Variants in CKAP5 observed in about 807,000 individuals in gnomAD.
The protein encoded by CKAP5 is cytoskeleton associated protein 5, also known as cytoskeleton-associated protein 5.
Under a neutral mutation model 232.8 loss-of-function variants are expected in CKAP5, and 27 were observed. The observed-to-expected ratio is 0.12, with a 90% confidence interval of 0.09 to 0.16. The LOEUF is 0.16. Among genes scored for constraint, CKAP5 ranks in the 10% least tolerant of loss-of-function variants. The probability of loss-of-function intolerance (pLI) is 1.00; values close to 1 mark genes in which losing one functional copy is unlikely to be tolerated. For synonymous variants in CKAP5, 785 were observed against 841.1 expected (o/e 0.93, Z 1.16); for missense variants, 1,838 against 2,424.7 (o/e 0.76, Z 5.08).
At position 46,744,271 on chromosome 11, in the gene CKAP5, G is replaced by A. The variant is rs1385063474; in HGVS notation, c.5857-6C>T. ...AAAGGAGGTCGGTCATCTTGCTATT[G>A]AGAGAAGGAGAGAGATTGTCTAAGG... On this transcript the variant is annotated splice_polypyrimidine_tract_variant and splice_region_variant and intron_variant, in intron 43 of 43. Transcript: ENST00000529230. 1.2e-6 allele frequency: 2 copies of A among 1,613,890 alleles called. No homozygotes were observed. The highest frequency in any genetic ancestry group is 3.3e-5 in the Admixed American group (2 of 59,982).
chr11:46,763,155 C>T lies in CKAP5; in HGVS notation c.3712G>A (p.Val1238Ile), dbSNP rs148090296. 2 of 1,613,252 alleles carry T rather than the reference C, an allele frequency of 1.2e-6. No individual in the cohort carries two copies. The highest frequency in any genetic ancestry group is 1.7e-6 in the Non-Finnish European group (2 of 1,179,456). The change falls in exon 30 of 44, where the codon GTT becomes ATT. Residue 1238 changes from valine (V) to isoleucine (I), a missense_variant. Val to Ile is a conservative substitution (Grantham distance 29, BLOSUM62 3). This residue lies in a region of CKAP5 where 48 missense variants were observed against 98.1 expected (regional missense o/e 0.49). Coordinates refer to ENST00000529230, the MANE Select transcript of CKAP5 (RefSeq NM_001008938.4). ...VDHLESEKEG[V>I]IGCLDLILKW... is the part of the protein sequence containing the mutation. ...AAGATAAGATCCAGGCAACCAATAA[C>T]TCCTTCTTTTTCACTCTCCAAGTGC...
At chr11:46,795,121 G>A (rs145853061) in intron 13 of CKAP5, among the ~76,000 whole-genome samples, 3,388 of 152,144 alleles carry the variant, frequency 0.022, 121 homozygotes, top group African/African-American at 0.077. Context: ...CTGAGGTCAG[G>A]AGTTCAAGAC....
At chr11:46,803,910 C>G (rs1260790526) in intron 8 of CKAP5, among the ~76,000 whole-genome samples, 1 of 152,090 alleles carries the variant, frequency 6.6e-6, no homozygotes, top group African/African-American at 2.4e-5. Context: ...AGATGCTAGG[C>G]TTTATATTTA....
intron 1 of CKAP5, among the ~76,000 whole-genome samples, chr11:46,844,661 A>C (rs1437584608): frequency 1.3e-5 from 2 of 152,036 alleles, no homozygotes; most frequent in Admixed American, 6.5e-5. Flanking sequence ...CTTTTTTTTG[A>C]GACAGAGGGT....
rs1174739786 is a variant in CKAP5, at chr11:46,808,139, T to C, written c.870A>G (p.Ala290=). The C allele has an allele frequency of 6.2e-7, 1 of 1,610,570 alleles. No homozygotes were observed. The highest frequency in any genetic ancestry group is 2.2e-5 in the East Asian group (1 of 44,830). The part of the protein sequence containing the change: ...LPKDFYDKIE[A]KKWQERKEAL... ...CCTCTTTTCTCTCTTGCCATTTTTT[T>C]GCCTCCTGCAAGATACAATATGAGT... The change falls in exon 8 of 44, where the codon GCA becomes GCG. Residue 290 remains alanine, a synonymous_variant. Transcript: ENST00000529230.
chr11:46,823,225 A>C (rs1939583192), intron 1 of CKAP5, among the ~76,000 whole-genome samples: 1 of 152,044 alleles, frequency 6.6e-6, no homozygotes, highest in South Asian at 2.1e-4. Context: ...ACTGATCGTG[A>C]GCCACCGCAC....
chr11:46,750,456 A>G (rs746211679), intron 41 of CKAP5, 23 bp from the exon 42 acceptor site: 49 of 1,613,520 alleles, frequency 3.0e-5, no homozygotes, highest in Non-Finnish European at 4.0e-5. Flanking sequence ...AAAAGGGAAG[A>G]GGTGGGGATG....
At chr11:46,752,935 T>G (rs183962291) in intron 37 of CKAP5, among the ~76,000 whole-genome samples, 165 of 152,328 alleles carry the variant, frequency 1.1e-3, no homozygotes, top group African/African-American at 3.8e-3. Context: ...CTATTTTTCA[T>G]TGTCATTGGT....
intron 1 of CKAP5, among the ~76,000 whole-genome samples, chr11:46,844,744 T>C (rs527730212): frequency 6.6e-4 from 101 of 152,222 alleles, no homozygotes; most frequent in African/African-American, 2.3e-3. Context: ...CGGGTTCAAA[T>C]GATTCTCTTG....
intron 24 of CKAP5, among the ~76,000 whole-genome samples, chr11:46,773,376 G>A (rs1343113848): frequency 6.6e-6 from 1 of 151,940 alleles, no homozygotes; most frequent in East Asian, 1.9e-4. Flanking sequence ...AGCCTCCTGA[G>A]TAGCTGGGAT....
At chr11:46,772,615 G>A (rs1051802693) in intron 24 of CKAP5, among the ~76,000 whole-genome samples, 3 of 152,002 alleles carry the variant, frequency 2.0e-5, no homozygotes, top group African/African-American at 4.8e-5. Context: ...TCTATTTCTG[G>A]GTTCTCTCTG....
In CKAP5 at chr11:46,778,153, A is replaced by T. The variant is rs766411546; in HGVS notation, c.2734T>A (p.Ser912Thr). 6.2e-7 allele frequency: 1 copy of T among 1,613,636 alleles called. No individual in the cohort carries two copies. The highest frequency in any genetic ancestry group is 1.7e-5 in the Admixed American group (1 of 59,932). The change falls in exon 22 of 44, where the codon TCA (serine) becomes ACA (threonine). Residue 912 changes from serine (S) to threonine (T), a missense_variant. This residue lies in a region of CKAP5 where 767 missense variants were observed against 954.6 expected (regional missense o/e 0.80). Coordinates refer to ENST00000529230, the MANE Select transcript of CKAP5 (RefSeq NM_001008938.4). ...PTALKGRLNDSNKILVQQTLN... is the reference protein window; with the variant it reads ...PTALKGRLNDTNKILVQQTLN... Reference sequence around the variant, plus strand: ...GCTCTACATACCAAGATTTTATTTGAATCATTGAGTCGACCCTTCAAGGCA... The same window carrying T: ...GCTCTACATACCAAGATTTTATTTGTATCATTGAGTCGACCCTTCAAGGCA...
intron 16 of CKAP5, among the ~76,000 whole-genome samples, 199 bp downstream of exon 16, chr11:46,788,479 CAGG>C (rs2065418127): frequency 6.6e-6 from 1 of 152,104 alleles, no homozygotes; most frequent in African/African-American, 2.4e-5. Context: ...GAGGCTGAGG[CAGG>C]AGAATTGCTT....
intron 24 of CKAP5, among the ~76,000 whole-genome samples, chr11:46,775,017 C>G (rs1439026937): frequency 6.6e-6 from 1 of 152,008 alleles, no homozygotes; most frequent in Non-Finnish European, 1.5e-5. Context: ...AGCTTCTGCA[C>G]GGCAAAAGAA....
chr11:46,808,264 G>A (rs771852980), intron 7 of CKAP5, 120 bp from the exon 8 acceptor site: 92 of 664,884 alleles, frequency 1.4e-4, no homozygotes, highest in Middle Eastern at 3.7e-4. Flanking sequence ...AAAACTGGCC[G>A]GGCGCAGTGG....
At chr11:46,745,933 C>T (rs2065018946) in intron 42 of CKAP5, among the ~76,000 whole-genome samples, 1 of 152,128 alleles carries the variant, frequency 6.6e-6, no homozygotes, top group South Asian at 2.1e-4. Flanking sequence ...GCCTGGGTGA[C>T]AGAGTGAGAA....
At chr11:46,745,289 G>T (rs1271981235) in intron 42 of CKAP5, among the ~76,000 whole-genome samples, 1 of 152,124 alleles carries the variant, frequency 6.6e-6, no homozygotes, top group Non-Finnish European at 1.5e-5. Context: ...CTGCCTTATG[G>T]TAAATAGAAA....
intron 8 of CKAP5, among the ~76,000 whole-genome samples, chr11:46,802,607 G>GCA (rs375389676): frequency 3.4e-5 from 5 of 149,144 alleles, no homozygotes; most frequent in South Asian, 2.1e-4. Flanking sequence ...ATTTATAAAT[G>GCA]CACACACACA....
At chr11:46,814,166 AT>A (rs1344299998) in intron 4 of CKAP5, among the ~76,000 whole-genome samples, 3 of 145,208 alleles carry the variant, frequency 2.1e-5, no homozygotes, top group Non-Finnish European at 4.6e-5. Context: ...AGATTACAGT[AT>A]TTTTTAAAAT....
Sources: gnomAD v4.1 joint callset for allele counts (sites outside exome capture counted in the v4.1 genomes callset) on GRCh38, gnomAD v4.1.1 for gene constraint, gnomAD v4.1.1 regional missense constraint, MANE v1.5 for transcripts, NCBI Gene and HGNC (gene_info 2026-07-23, HGNC 2026-07-21) for gene names.